ULK4: variants seen among roughly 807,000 people sequenced by gnomAD.
ULK4 encodes the protein unc-51 like kinase 4.
In ULK4, 133 loss-of-function variants were observed where a neutral mutation model predicts 160.6. The ratio of observed to expected loss-of-function variants is 0.83; its 90% CI spans 0.72 to 0.96. ULK4 has a LOEUF of 0.96. Ranked by LOEUF, ULK4 falls within the 40% of genes least tolerant of loss-of-function variation. The probability of loss-of-function intolerance (pLI) is 0.00; values close to 1 mark genes in which losing one functional copy is unlikely to be tolerated. For synonymous variants in ULK4, 534 were observed against 539.8 expected (o/e 0.99, Z 0.15); for missense variants, 1,580 against 1,499.5 (o/e 1.05, Z -0.89).
chr3:41,392,688 C>T (rs4973943), intron 35 of ULK4, among the ~76,000 whole-genome samples: 77,829 of 151,888 alleles, frequency 0.51, 20,175 homozygotes, highest in African/African-American at 0.61. Flanking sequence ...GAATACTCTT[C>T]TTTTTAGATG....
intron 35 of ULK4, among the ~76,000 whole-genome samples, chr3:41,309,461 C>T (rs1376576722): frequency 1.3e-5 from 2 of 152,132 alleles, no homozygotes; most frequent in African/African-American, 2.4e-5. Context: ...CCTCAGCCCT[C>T]CCAGTAACTG....
intron 31 of ULK4, among the ~76,000 whole-genome samples, chr3:41,591,880 A>G (rs193201503): frequency 1.3e-5 from 2 of 152,342 alleles, no homozygotes; most frequent in Admixed American, 6.5e-5. Context: ...AATAATAGAT[A>G]AAAAATTACA....
At chr3:41,480,206 C>CAAAAAAAAAA (rs60805184) in intron 32 of ULK4, among the ~76,000 whole-genome samples, 1 of 97,186 alleles carries the variant, frequency 1.0e-5, no homozygotes, top group Non-Finnish European at 2.1e-5. Flanking sequence ...GACTCCGTAT[C>CAAAAAAAAAA]AAAAAAAAAA....
chr3:41,523,312 T>C (rs2085998995), intron 32 of ULK4, among the ~76,000 whole-genome samples: 2 of 152,166 alleles, frequency 1.3e-5, no homozygotes, highest in African/African-American at 2.4e-5. Flanking sequence ...AAGGAAGACA[T>C]GAAGCACGTC....
intron 18 of ULK4, among the ~76,000 whole-genome samples, chr3:41,833,893 A>G (rs1238610770): frequency 1.3e-5 from 2 of 151,922 alleles, no homozygotes; most frequent in East Asian, 3.9e-4. Context: ...TTCCAATACT[A>G]TTTTGCTCCC....
intron 27 of ULK4, among the ~76,000 whole-genome samples, chr3:41,682,579 C>G (rs2035959031): frequency 6.6e-6 from 1 of 152,244 alleles, no homozygotes; most frequent in African/African-American, 2.4e-5. Flanking sequence ...ACGCCCTGCA[C>G]AGGCAAGAAT....
At chr3:41,594,305 G>A (rs1471026577) in intron 31 of ULK4, among the ~76,000 whole-genome samples, 1 of 152,090 alleles carries the variant, frequency 6.6e-6, no homozygotes, top group Non-Finnish European at 1.5e-5. Flanking sequence ...GGGAGGCCAA[G>A]ATGGGACGAT....
In ULK4 at chr3:41,952,397, G is replaced by C. The variant is rs562477565; in HGVS notation, c.138+2225C>G. On this transcript the variant is annotated intron_variant, in intron 2 of 36. Coordinates refer to ENST00000301831, the MANE Select transcript of ULK4 (RefSeq NM_017886.4). ...TTAGAGAATGGGCAGAGGACTTACA[G>C]AAATGGACAAAAAGAATAGACATTT... Among the ~76,000 whole-genome samples, 3 of 152,292 alleles carry C rather than the reference G, an allele frequency of 2.0e-5. No individual in the cohort carries two copies. The South Asian group carries it at 6.2e-4, about 32-fold the overall frequency.
At chr3:41,352,058 T>C (rs2080921497) in intron 35 of ULK4, among the ~76,000 whole-genome samples, 1 of 152,148 alleles carries the variant, frequency 6.6e-6, no homozygotes, top group Non-Finnish European at 1.5e-5. Flanking sequence ...AAAGGTTCCT[T>C]AAGGTGCATG....
At chr3:41,939,163 CTTT>C (rs3044215) in intron 2 of ULK4, among the ~76,000 whole-genome samples, 100,021 of 146,202 alleles carry the variant, frequency 0.68, 37,221 homozygotes, top group East Asian at 0.83. Flanking sequence ...AATGATTACC[CTTT>C]TTTTTTTTTT....
rs114820335 is a variant in ULK4 at position 41,640,561 on chromosome 3, C to A, written c.3071+23046G>T. Among the ~76,000 whole-genome samples the A allele has an allele frequency of 9.4e-3, 1,433 of 152,230 alleles. 20 individuals carry two copies. Among genetic ancestry groups the A allele is most frequent in the African/African-American group, 0.032 (1,336 of 41,530 alleles). On this transcript the variant is annotated intron_variant, in intron 30 of 36. Transcript: ENST00000301831. ...TGTGGGCTACATCCACTGCCCACCC[C>A]TCCTGAGCTCTGTCAAGCTTCAATA...
At chr3:41,771,522 G>C (rs1437306696) in intron 21 of ULK4, among the ~76,000 whole-genome samples, 1 of 152,094 alleles carries the variant, frequency 6.6e-6, no homozygotes, top group Admixed American at 6.6e-5. Context: ...AAGAATTTTT[G>C]AAATAAGAAC....
intron 32 of ULK4, among the ~76,000 whole-genome samples, chr3:41,478,700 G>T (rs1048118346): frequency 6.6e-6 from 1 of 152,178 alleles, no homozygotes; most frequent in African/African-American, 2.4e-5. Context: ...ACCCTTGAGG[G>T]ATTTCTGCAC....
chr3:41,513,917 G>A (rs1004413946), intron 32 of ULK4, among the ~76,000 whole-genome samples: 2 of 151,948 alleles, frequency 1.3e-5, no homozygotes, highest in African/African-American at 2.4e-5. Context: ...ACTAAAGAAC[G>A]TATTCATGTT....
At chr3:41,749,427 G>T (rs2038540006) in intron 22 of ULK4, among the ~76,000 whole-genome samples, 1 of 148,804 alleles carries the variant, frequency 6.7e-6, no homozygotes, top group South Asian at 2.1e-4. Context: ...AGGCTGCAGT[G>T]AGCCGAGATC....
intron 12 of ULK4, among the ~76,000 whole-genome samples, chr3:41,905,297 A>AC (rs58982482): frequency 0.94 from 143,169 of 152,198 alleles, 67,951 homozygotes; most frequent in East Asian, 1. Context: ...ATGAAGCTAT[A>AC]CCCCCTACTT....
intron 30 of ULK4, among the ~76,000 whole-genome samples, chr3:41,658,174 G>A (rs1268712452): frequency 2.0e-5 from 3 of 152,178 alleles, no homozygotes; most frequent in African/African-American, 4.8e-5. Flanking sequence ...TACACAGATG[G>A]TGGACAGAAA....
chr3:41,870,337 T>C (rs1233410842), intron 17 of ULK4, among the ~76,000 whole-genome samples: 1 of 152,248 alleles, frequency 6.6e-6, no homozygotes, highest in African/African-American at 2.4e-5. Flanking sequence ...ATCATGTGAC[T>C]GTTAGATAAT....
At chr3:41,337,044 G>T (rs910582574) in intron 35 of ULK4, among the ~76,000 whole-genome samples, 1 of 152,034 alleles carries the variant, frequency 6.6e-6, no homozygotes, top group African/African-American at 2.4e-5. Flanking sequence ...ACCTCTACTT[G>T]GGCCTTAGCT....
Sources: gnomAD v4.1 joint callset for allele counts (sites outside exome capture counted in the v4.1 genomes callset) on GRCh38, gnomAD v4.1.1 for gene constraint, MANE v1.5 for transcripts, NCBI Gene and HGNC (gene_info 2026-07-23, HGNC 2026-07-21) for gene names.